CREB5: variants seen among roughly 807,000 people sequenced by gnomAD.
The protein encoded by CREB5 is cAMP responsive element binding protein 5.
Under a neutral mutation model 57.1 loss-of-function variants are expected in CREB5, and 19 were observed. The observed-to-expected ratio is 0.33, with a 90% confidence interval of 0.23 to 0.49. CREB5 has a LOEUF of 0.49. CREB5 is among the 20% of genes least tolerant of loss of function. The probability of loss-of-function intolerance (pLI) is 0.99; values close to 1 mark genes in which losing one functional copy is unlikely to be tolerated. For synonymous variants in CREB5, 238 were observed against 238.3 expected, an observed-to-expected ratio of 1.00 and a Z score of 0.01; for missense variants, 579 against 671.6, an observed-to-expected ratio of 0.86 and a Z score of 1.52.
chr7:28,302,607 C>T (rs1785115701), intron 1 of CREB5, among the ~76,000 whole-genome samples: 2 of 152,118 alleles, frequency 1.3e-5, no homozygotes, highest in Admixed American at 1.3e-4. Context: ...TCCAAAGTCC[C>T]AGAAAGGAGG....
chr7:28,676,097 G>A (rs1800308320), intron 5 of CREB5, among the ~76,000 whole-genome samples: 1 of 152,086 alleles, frequency 6.6e-6, no homozygotes, highest in Non-Finnish European at 1.5e-5. Flanking sequence ...TCTCCAGCAA[G>A]GGTCAGGATG....
At chr7:28,377,639 T>C (rs9639576) in intron 1 of CREB5, among the ~76,000 whole-genome samples, 144,053 of 152,024 alleles carry the variant, frequency 0.95, 68,745 homozygotes, top group East Asian at 1. Flanking sequence ...ATTTCCTTCA[T>C]CATTAAATGT....
rs575449703 is a variant in CREB5, at chr7:28,364,007, G to A, written c.-25+64566G>A. Among the ~76,000 whole-genome samples, 35 of 152,292 alleles carry A rather than the reference G, an allele frequency of 2.3e-4. No homozygotes were observed. In the South Asian group the frequency reaches 7.0e-3, roughly 31 times the overall value. ...GGTACATTCTAGTTAAAATCTATGA[G>A]CCAAATTAGGCTTACAACTGAAGTT... On this transcript the variant is annotated intron_variant, in intron 1 of 9. Coordinates refer to the CREB5 transcript ENST00000396299.
chr7:28,742,625 A>C (rs1804437125), intron 7 of CREB5, among the ~76,000 whole-genome samples: 1 of 152,156 alleles, frequency 6.6e-6, no homozygotes, highest in African/African-American at 2.4e-5. Flanking sequence ...TCTCCTCCTC[A>C]TCATTACTAA....
chr7:28,394,912 T>A (rs1787306531), intron 1 of CREB5, among the ~76,000 whole-genome samples: 1 of 152,248 alleles, frequency 6.6e-6, no homozygotes, highest in Non-Finnish European at 1.5e-5. Context: ...CCACACCTTT[T>A]GCTTTTAGAA....
chr7:28,576,206 C>T (rs1392472670), intron 5 of CREB5, among the ~76,000 whole-genome samples: 2 of 152,184 alleles, frequency 1.3e-5, no homozygotes, highest in Non-Finnish European at 1.5e-5. Context: ...CCCAATGGCT[C>T]AAGCCCTTCG....
At chr7:28,330,892 A>G (rs1006148759) in intron 1 of CREB5, among the ~76,000 whole-genome samples, 1 of 152,164 alleles carries the variant, frequency 6.6e-6, no homozygotes, top group Non-Finnish European at 1.5e-5. Context: ...TGTGAAGCTT[A>G]ACAAATATTT....
At chr7:28,627,706 C>G (rs1433468209) in intron 5 of CREB5, among the ~76,000 whole-genome samples, 1 of 152,124 alleles carries the variant, frequency 6.6e-6, no homozygotes, top group Admixed American at 6.5e-5. Flanking sequence ...TTCACACTTT[C>G]TAAGGGCCCC....
chr7:28,416,183 A>T (rs549953887), intron 1 of CREB5, among the ~76,000 whole-genome samples: 1 of 152,182 alleles, frequency 6.6e-6, no homozygotes, highest in African/African-American at 2.4e-5. Flanking sequence ...AGCTGTTTGC[A>T]TGCGATTTTA....
intron 7 of CREB5, among the ~76,000 whole-genome samples, chr7:28,760,551 T>C (rs551307805): frequency 3.9e-5 from 6 of 152,346 alleles, no homozygotes; most frequent in African/African-American, 1.2e-4. Flanking sequence ...ATATTATCAT[T>C]TGTGGCTGTC....
intron 3 of CREB5, among the ~76,000 whole-genome samples, chr7:28,500,612 G>A (rs1792235989): frequency 6.6e-6 from 1 of 152,170 alleles, no homozygotes; most frequent in Admixed American, 6.5e-5. Context: ...AGGCAAGAAA[G>A]TAATTCAGGG....
In CREB5 at chr7:28,372,802, C is replaced by T. The variant is rs1170380906; in HGVS notation, c.-25+73361C>T. On this transcript the variant is annotated intron_variant, in intron 1 of 9. Transcript: ENST00000396299. ...GCTCTTTGTGGAATAAATGACTTTC[C>T]TATTATCAAACTGAGGACCATGCAA... is the stretch of plus-strand genomic sequence containing the variant. Among the ~76,000 whole-genome samples, 4 of 152,126 alleles carry T rather than the reference C, an allele frequency of 2.6e-5. No homozygotes were observed. In the East Asian group the frequency reaches 5.8e-4, roughly 22 times the overall value.
chr7:28,691,916 C>T (rs1801285362), intron 5 of CREB5, among the ~76,000 whole-genome samples: 1 of 151,718 alleles, frequency 6.6e-6, no homozygotes, highest in Non-Finnish European at 1.5e-5. Context: ...CACCTGTAAT[C>T]CCAGCACTTT....
chr7:28,539,531 G>A (rs1794117237), intron 4 of CREB5, among the ~76,000 whole-genome samples: 1 of 152,204 alleles, frequency 6.6e-6, no homozygotes. Context: ...CTGTTATCTG[G>A]TTCACATCTA....
At position 28,507,637 on chromosome 7, in the gene CREB5, G is replaced by A. The variant is rs756142208; in HGVS notation, c.191G>A (p.Arg64Lys). 2 of 1,610,506 alleles carry A rather than the reference G, an allele frequency of 1.2e-6. No homozygotes were observed. The highest frequency in any genetic ancestry group is 1.7e-6 in the Non-Finnish European group (2 of 1,177,440). The part of the protein sequence containing the change: ...MLSDQTPTPT[R>K]FLKNCEEVGL... ...TCAGATCAAACTCCGACCCCAACGAGATTCCTGAAGAACTGCGAGGAGGTG... is the reference window on the plus strand; with the variant it reads ...TCAGATCAAACTCCGACCCCAACGAAATTCCTGAAGAACTGCGAGGAGGTG... Residue 64 changes from arginine to lysine, a missense_variant, in exon 4 of 11, where the codon AGA becomes AAA. Physicochemically the swap from Arg to Lys is conservative, Grantham distance 26. Around this residue, in one of 3 missense-constraint regions of CREB5, gnomAD observed 459 missense variants for 515.7 expected, o/e 0.89. Transcript: ENST00000357727.
intron 5 of CREB5, among the ~76,000 whole-genome samples, chr7:28,629,428 G>C (rs1274111121): frequency 6.6e-6 from 1 of 152,158 alleles, no homozygotes; most frequent in Non-Finnish European, 1.5e-5. Context: ...CTTCTTTCTG[G>C]CCTCTCTAAA....
At chr7:28,744,366 T>TTTTA (rs1804574527) in intron 7 of CREB5, among the ~76,000 whole-genome samples, 1 of 112,244 alleles carries the variant, frequency 8.9e-6, no homozygotes, top group African/African-American at 3.3e-5. Context: ...TTTTTTTTTT[T>TTTTA]GAGATGGAGT....
intron 1 of CREB5, among the ~76,000 whole-genome samples, chr7:28,460,344 A>G (rs971286718): frequency 1.3e-5 from 2 of 152,226 alleles, no homozygotes; most frequent in Non-Finnish European, 2.9e-5. Flanking sequence ...ATGTCATTTT[A>G]TTTAAACTTC....
intron 4 of CREB5, among the ~76,000 whole-genome samples, chr7:28,563,913 A>T (rs1433338046): frequency 1.3e-5 from 2 of 152,162 alleles, no homozygotes; most frequent in East Asian, 1.9e-4. Context: ...GTGTCCTCTG[A>T]TACCTCACTA....
Sources: gnomAD v4.1 joint callset for allele counts (sites outside exome capture counted in the v4.1 genomes callset) on GRCh38, gnomAD v4.1.1 for gene constraint, gnomAD v4.1.1 regional missense constraint, MANE v1.5 for transcripts, NCBI Gene and HGNC (gene_info 2026-07-23, HGNC 2026-07-21) for gene names.